The following PRKN variants were observed in gnomAD, a reference collection of about 807,000 sequenced individuals.
The protein encoded by PRKN is E3 ubiquitin-protein ligase parkin.
A neutral mutation model predicts 59.5 loss-of-function variants in PRKN; 56 were observed. The observed-to-expected ratio is 0.94, with a 90% CI of 0.76 to 1.18. PRKN has a LOEUF of 1.18. Among genes scored for constraint, PRKN ranks in the 50% most tolerant of loss-of-function variants. The probability of loss-of-function intolerance (pLI) is 0.00; values close to 1 mark genes in which losing one functional copy is unlikely to be tolerated. For missense variants in PRKN, 657 were observed against 596.4 expected (o/e 1.10, Z -1.06); for synonymous variants, 250 against 222.1 (o/e 1.13, Z -1.12).
intron 2 of PRKN, among the ~76,000 whole-genome samples, chr6:162,286,807 T>G (rs1295879936): frequency 2.6e-5 from 4 of 152,164 alleles, no homozygotes; most frequent in Admixed American, 2.6e-4. Flanking sequence ...AACTTTAATT[T>G]CATAACGACT....
At chr6:162,564,420 G>C (rs1210188415) in intron 1 of PRKN, among the ~76,000 whole-genome samples, 2 of 151,848 alleles carry the variant, frequency 1.3e-5, no homozygotes, top group African/African-American at 4.8e-5. Context: ...ACAAGATAGG[G>C]GTAGAAAATG....
At chr6:162,264,060 G>A (rs1780016657) in intron 2 of PRKN, among the ~76,000 whole-genome samples, 1 of 152,026 alleles carries the variant, frequency 6.6e-6, no homozygotes, top group Non-Finnish European at 1.5e-5. Flanking sequence ...GATCACTTGA[G>A]GCCAGTAGTT....
intron 9 of PRKN, among the ~76,000 whole-genome samples, chr6:161,514,456 A>C (rs1778512487): frequency 6.6e-6 from 1 of 152,080 alleles, no homozygotes; most frequent in East Asian, 1.9e-4. Flanking sequence ...ATGGGGAAAA[A>C]GGGTGAAGAA....
intron 9 of PRKN, among the ~76,000 whole-genome samples, chr6:161,517,351 G>A (rs764841341): frequency 7.9e-5 from 12 of 152,022 alleles, no homozygotes; most frequent in South Asian, 2.1e-4. Flanking sequence ...ACATCACAGC[G>A]CACCAAAACG....
rs1316162596 is a variant in PRKN at position 161,502,714 on chromosome 6, C to T, written c.1083+46140G>A. ...GATAATAGTTAGAACACAGTGTTAT[C>T]GGCTAGGACTAATGATGGTGGAGCA... is the stretch of plus-strand genomic sequence containing the variant. On this transcript the variant is annotated intron_variant, in intron 9 of 11. Coordinates refer to ENST00000366898, the MANE Select transcript of PRKN (RefSeq NM_004562.3). The surrounding 1 kb of genome is among the most constrained non-coding windows in gnomAD (Gnocchi z 4.0). 6.6e-6 allele frequency among the ~76,000 whole-genome samples: 1 copy of T among 152,016 alleles called. No individual in the cohort carries two copies. Among genetic ancestry groups the T allele is most frequent in the Admixed American group, 6.6e-5 (1 of 15,262 alleles).
At chr6:161,728,148 T>C (rs759888830) in intron 7 of PRKN, among the ~76,000 whole-genome samples, 15 of 152,168 alleles carry the variant, frequency 9.9e-5, no homozygotes, top group Non-Finnish European at 1.9e-4. Context: ...GGGAAAGTTT[T>C]TGACAATTTG....
At chr6:162,281,572 T>C (rs1780912786) in intron 2 of PRKN, among the ~76,000 whole-genome samples, 1 of 151,940 alleles carries the variant, frequency 6.6e-6, no homozygotes. Flanking sequence ...GAGGGAAAAA[T>C]GAAAGCAAAA....
At chr6:161,988,519 A>C (rs1781523891) in intron 5 of PRKN, among the ~76,000 whole-genome samples, 1 of 151,892 alleles carries the variant, frequency 6.6e-6, no homozygotes, top group Admixed American at 6.5e-5. Context: ...AAAATAAATA[A>C]ATAAAAAGAA....
At position 161,582,862 on chromosome 6, in the gene PRKN, T is replaced by G. The variant is rs1460453299; in HGVS notation, c.872-13446A>C. ...CCAGGTTGGGAAGCTCAATGCTGCA[T>G]CCATGTAGCTGATCCCAGCATAGGC... On this transcript the variant is annotated intron_variant, in intron 7 of 11. Transcript: ENST00000366898. This position sits in a 1 kb window ranked among gnomAD's most constrained non-coding sequence, Gnocchi z 4.4. Among the ~76,000 whole-genome samples the G allele has an allele frequency of 6.6e-6, 1 of 151,980 alleles. No homozygotes were observed. The highest frequency in any genetic ancestry group is 2.4e-5 in the African/African-American group (1 of 41,386).
chr6:161,374,229 T>C (rs1001555237), intron 10 of PRKN, among the ~76,000 whole-genome samples: 4 of 151,800 alleles, frequency 2.6e-5, no homozygotes, highest in African/African-American at 9.7e-5. Flanking sequence ...GTTCTGTGTG[T>C]ATGTGTGTTG....
chr6:162,487,946 T>C (rs1792621856), intron 1 of PRKN, among the ~76,000 whole-genome samples: 1 of 151,184 alleles, frequency 6.6e-6, no homozygotes, highest in East Asian at 1.9e-4. Context: ...ATTAAAATAA[T>C]GGGTATTTTA....
At chr6:162,482,369 A>G (rs1051980203) in intron 1 of PRKN, among the ~76,000 whole-genome samples, 1 of 152,202 alleles carries the variant, frequency 6.6e-6, no homozygotes, top group African/African-American at 2.4e-5. Context: ...TTACACAAGC[A>G]AGTGCACTTG....
chr6:161,898,932 G>C (rs909643360), intron 6 of PRKN, among the ~76,000 whole-genome samples: 10 of 152,324 alleles, frequency 6.6e-5, no homozygotes, highest in African/African-American at 2.4e-4. Context: ...TTATAACTCA[G>C]CATAAAGCAG....
chr6:161,930,781 A>G (rs1247911476), intron 6 of PRKN, among the ~76,000 whole-genome samples: 1 of 152,214 alleles, frequency 6.6e-6, no homozygotes, highest in Non-Finnish European at 1.5e-5. Flanking sequence ...CAATATAATC[A>G]CAGGATCCTT....
In PRKN at chr6:162,059,080, C is replaced by T. The variant is rs1198157498; in HGVS notation, c.535-4906G>A. Among the ~76,000 whole-genome samples, 4 of 150,908 alleles carry T rather than the reference C, an allele frequency of 2.7e-5. No individual in the cohort carries two copies. The East Asian group carries it at 7.8e-4, about 29-fold the overall frequency. ...AAGTCTAGAATTCAGTGAGACTTTT[C>T]TGTGCATATCACAGATGTTTATTTT... On this transcript the variant is annotated intron_variant, in intron 4 of 11. Coordinates refer to ENST00000366898, the MANE Select transcript of PRKN (RefSeq NM_004562.3).
At chr6:161,842,251 CA>C (rs1793016958) in intron 6 of PRKN, among the ~76,000 whole-genome samples, 1 of 152,002 alleles carries the variant, frequency 6.6e-6, no homozygotes, top group Non-Finnish European at 1.5e-5. Context: ...GTAATCCCAG[CA>C]CTTTGGGAGG....
At chr6:162,024,728 T>G (rs1341812498) in intron 5 of PRKN, among the ~76,000 whole-genome samples, 1 of 152,192 alleles carries the variant, frequency 6.6e-6, no homozygotes, top group East Asian at 1.9e-4. Flanking sequence ...TGAACTCTAG[T>G]GACCTTGGTG....
In PRKN at chr6:161,362,511, G is replaced by C. The variant is rs1017704377; in HGVS notation, c.1168-2306C>G. 6.6e-6 allele frequency among the ~76,000 whole-genome samples: 1 copy of C among 152,160 alleles called. No individual in the cohort carries two copies. Among genetic ancestry groups the C allele is most frequent in the African/African-American group, 2.4e-5 (1 of 41,438 alleles). The stretch of plus-strand genomic sequence containing the variant: ...GACGTTCTCAGTGGAGGAAGCCAGG[G>C]CAAAAGCCCGCCCTGAAGAGATAAT... On this transcript the variant is annotated intron_variant, in intron 10 of 11. Coordinates refer to ENST00000366898, the MANE Select transcript of PRKN (RefSeq NM_004562.3). The surrounding 1 kb of genome is among the most constrained non-coding windows in gnomAD (Gnocchi z 5.2).
intron 2 of PRKN, among the ~76,000 whole-genome samples, chr6:162,400,915 A>C (rs1246055089): frequency 2.0e-5 from 3 of 152,182 alleles, no homozygotes; most frequent in African/African-American, 7.2e-5. Flanking sequence ...TAAAGCAAAA[A>C]TAACGTGTTA....
Sources: gnomAD v4.1 joint callset for allele counts (sites outside exome capture counted in the v4.1 genomes callset) on GRCh38, gnomAD v4.1.1 for gene constraint, Gnocchi (gnomAD v3.1) non-coding constraint, MANE v1.5 for transcripts, NCBI Gene and HGNC (gene_info 2026-07-23, HGNC 2026-07-21) for gene names.